The following MAP3K20 variants were observed in gnomAD, a reference collection of about 807,000 sequenced individuals.
MAP3K20 encodes the protein mitogen-activated protein kinase kinase kinase 20, also known as HCCS-4.
Under a neutral mutation model 85.7 loss-of-function variants are expected in MAP3K20, and 40 were observed. The observed-to-expected ratio is 0.47, with a 90% CI of 0.36 to 0.61. The LOEUF (loss-of-function observed/expected upper bound fraction) is 0.61, where lower values mean the gene tolerates loss of function less well. Among genes scored for constraint, MAP3K20 ranks in the 20% least tolerant of loss-of-function variants. The pLI is 0.00. For synonymous variants in MAP3K20, 325 were observed against 327.7 expected (o/e 0.99, Z 0.09); for missense variants, 817 against 961.7 (o/e 0.85, Z 1.99).
intron 1 of MAP3K20, chr2:173,090,615 A>G: frequency 1.0e-6 from 1 of 991,526 alleles, no homozygotes; most frequent in Non-Finnish European, 1.2e-6. Flanking sequence ...ATGCCAGGGG[A>G]GCTATGCAAG....
chr2:173,126,541 A>G (rs4280429), intron 2 of MAP3K20, among the ~76,000 whole-genome samples: 53,141 of 151,780 alleles, frequency 0.35, 10,024 homozygotes, highest in Non-Finnish European at 0.43. Context: ...CATCACACCT[A>G]GCTAATTTTC....
chr2:173,131,560 T>C (rs1688618464), intron 2 of MAP3K20, among the ~76,000 whole-genome samples: 1 of 152,264 alleles, frequency 6.6e-6, no homozygotes, highest in Non-Finnish European at 1.5e-5. Context: ...AGTTATTTTA[T>C]ATTGTCTGTA....
At chr2:173,216,612 GAGAC>G (rs1463736249) in intron 10 of MAP3K20, among the ~76,000 whole-genome samples, 1 of 151,582 alleles carries the variant, frequency 6.6e-6, no homozygotes, top group Non-Finnish European at 1.5e-5. Flanking sequence ...CAAGGAAACT[GAGAC>G]AGGTTAGTCA....
At chr2:173,226,504 TCTCTC>T in intron 11 of MAP3K20, 1 of 985,816 alleles carries the variant, frequency 1.0e-6, no homozygotes, top group Non-Finnish European at 1.2e-6. Context: ...AAAAATCTAT[TCTCTC>T]CTCTCGATTG....
chr2:173,214,403 T>C (rs1684007450), intron 10 of MAP3K20: 1 of 152,214 alleles, frequency 6.6e-6, no homozygotes, highest in Non-Finnish European at 1.5e-5. Flanking sequence ...CCATGCAGTG[T>C]TGTGATGAGC....
chr2:173,156,335 A>G (rs542419156), intron 2 of MAP3K20, among the ~76,000 whole-genome samples: 6 of 152,360 alleles, frequency 3.9e-5, no homozygotes, highest in African/African-American at 1.4e-4. Context: ...TTGAGGGACT[A>G]GAAGCCTCAA....
rs761160871 is a variant in MAP3K20, at chr2:173,182,836, T to A, written c.248-18T>A. The stretch of plus-strand genomic sequence containing the variant: ...TATCTTGATTTTAATTATATGCTTA[T>A]CTTTCCTTTTAAAATAGAATATGCT... On this transcript the variant is annotated intron_variant, in intron 3 of 19. Transcript: ENST00000375213. 1.5e-5 allele frequency: 23 copies of A among 1,526,454 alleles called. No individual in the cohort carries two copies. The Admixed American group carries it at 1.8e-4, about 12-fold the overall frequency. 94.6% of individuals were successfully genotyped at this position (1,526,454 alleles called of 1,614,324 possible).
At chr2:173,115,731 TG>T (rs1688102783) in intron 2 of MAP3K20, among the ~76,000 whole-genome samples, 1 of 152,134 alleles carries the variant, frequency 6.6e-6, no homozygotes, top group Admixed American at 6.5e-5. Context: ...AGGCTGGTAC[TG>T]GGGGTTGTCT....
chr2:173,162,137 TTC>T (rs3835827), intron 2 of MAP3K20, among the ~76,000 whole-genome samples: 9,771 of 152,190 alleles, frequency 0.064, 1,012 homozygotes, highest in East Asian at 0.56. Context: ...CAATAATGTT[TTC>T]TTTCTTCCTT....
chr2:173,258,291 A>C (rs921950257), intron 16 of MAP3K20, among the ~76,000 whole-genome samples: 1 of 152,196 alleles, frequency 6.6e-6, no homozygotes, highest in Non-Finnish European at 1.5e-5. Context: ...ATGTTTCAAG[A>C]AAGGTAGAAA....
At chr2:173,235,497 T>A (rs556944894) in intron 14 of MAP3K20, among the ~76,000 whole-genome samples, 14 of 151,976 alleles carry the variant, frequency 9.2e-5, no homozygotes, top group Non-Finnish European at 2.1e-4. Context: ...GACACAAAGG[T>A]CACATATTGT....
Position 173,198,156 on chromosome 2 carries a change from G to A in MAP3K20, c.669+44G>A. The A allele has an allele frequency of 6.5e-7, 1 of 1,540,288 alleles. No individual in the cohort carries two copies. Among genetic ancestry groups the A allele is most frequent in the Non-Finnish European group, 8.8e-7 (1 of 1,130,806 alleles). On this transcript the variant is annotated intron_variant, in intron 8 of 19. Transcript: ENST00000375213. The surrounding 1 kb of genome is among the most constrained non-coding windows in gnomAD (Gnocchi z 5.8). ...ATTCAGGTACATAGATCAGAAAACA[G>A]TATTGGGGTTTTGCAAAAGACTTTT...
chr2:173,108,445 T>A (rs1687848345), intron 2 of MAP3K20, among the ~76,000 whole-genome samples: 2 of 152,252 alleles, frequency 1.3e-5, no homozygotes, highest in South Asian at 2.1e-4. Flanking sequence ...CTGGGATTTT[T>A]AAAAATCTCT....
In MAP3K20 at chr2:173,198,690, A is replaced by G. The variant is rs1360075667; in HGVS notation, c.669+578A>G. 4 of 152,778 alleles carry G rather than the reference A, an allele frequency of 2.6e-5. No homozygotes were observed. In the East Asian group the frequency reaches 7.7e-4, roughly 29 times the overall value. The allele number at this position is 152,778 out of a possible 1,614,324, so 9.5% of individuals were successfully genotyped here. On this transcript the variant is annotated intron_variant, in intron 8 of 19. Coordinates refer to ENST00000375213, the MANE Select transcript of MAP3K20 (RefSeq NM_016653.3). The surrounding 1 kb of genome is among the most constrained non-coding windows in gnomAD (Gnocchi z 5.8). ...CTGGAATTGGCGAGGCAGTGGCATA[A>G]CTGTTCGCTTCTTCATGCAGAGCCT...
intron 3 of MAP3K20, among the ~76,000 whole-genome samples, chr2:173,179,702 G>GCACACA (rs1491499756): frequency 1.0e-3 from 79 of 76,160 alleles, no homozygotes; most frequent in African/African-American, 3.6e-3. Context: ...CCTAAGGAAT[G>GCACACA]CGCACACACA....
rs1685433558 is a variant in MAP3K20 at position 173,266,705 on chromosome 2, TAAAG to T, written c.2360_2363del (p.Lys787ArgfsTer44). The T allele has an allele frequency of 6.3e-7, 1 of 1,577,468 alleles. No homozygotes were observed. Among genetic ancestry groups the T allele is most frequent in the Non-Finnish European group, 8.6e-7 (1 of 1,164,554 alleles). ...ACAGGCCATCTCCCGCCAAAACCAATAAAGAGAGAGCCAGAGGGGACCACCGTGG... is the reference window on the plus strand; with the variant it reads ...ACAGGCCATCTCCCGCCAAAACCAATAGAGAGCCAGAGGGGACCACCGTGG... On this transcript the variant is annotated frameshift_variant, in exon 20 of 20. Coordinates refer to ENST00000375213, the MANE Select transcript of MAP3K20 (RefSeq NM_016653.3). LOFTEE classifies it high-confidence loss of function.
intron 2 of MAP3K20, among the ~76,000 whole-genome samples, chr2:173,138,533 A>G (rs1358569331): frequency 6.6e-6 from 1 of 152,192 alleles, no homozygotes; most frequent in Non-Finnish European, 1.5e-5. Context: ...AATACAATAC[A>G]CAAACTGAAA....
At chr2:173,237,320 C>T (rs1035907094) in intron 14 of MAP3K20, among the ~76,000 whole-genome samples, 2 of 152,074 alleles carry the variant, frequency 1.3e-5, no homozygotes, top group Non-Finnish European at 2.9e-5. Context: ...AGCCACCGCA[C>T]GCGGCCCCCA....
chr2:173,242,860 C>A (rs1684823803), intron 16 of MAP3K20, among the ~76,000 whole-genome samples: 1 of 151,932 alleles, frequency 6.6e-6, no homozygotes, highest in South Asian at 2.1e-4. Context: ...GGGCACACCA[C>A]CACACCCGGC....
Sources: allele counts gnomAD v4.1 joint callset (sites outside exome capture counted in the v4.1 genomes callset), GRCh38; gene constraint gnomAD v4.1.1; non-coding constraint Gnocchi (gnomAD v3.1); transcripts MANE v1.5; gene names NCBI Gene and HGNC (gene_info 2026-07-23, HGNC 2026-07-21).